Variants in BTBD10 observed in about 807,000 individuals in gnomAD.
BTBD10 encodes BTB domain containing 10.
In BTBD10, 21 loss-of-function variants were observed where a neutral mutation model predicts 53.2. The ratio of observed to expected loss-of-function variants is 0.39; its 90% CI spans 0.28 to 0.57. The LOEUF is 0.57. Among genes scored for constraint, BTBD10 ranks in the 20% least tolerant of loss-of-function variants. BTBD10 has a pLI of 0.53. For synonymous variants in BTBD10, 149 were observed against 192.7 expected (o/e 0.77, Z 1.88); for missense variants, 360 against 594.7 (o/e 0.61, Z 4.10).
intron 7 of BTBD10, among the ~76,000 whole-genome samples, chr11:13,403,561 T>C (rs1219221582): frequency 6.6e-6 from 1 of 152,060 alleles, no homozygotes; most frequent in Non-Finnish European, 1.5e-5. Flanking sequence ...TACACATTTA[T>C]TGGAATGGGA....
intron 5 of BTBD10, among the ~76,000 whole-genome samples, chr11:13,413,900 A>C (rs1251833150): frequency 6.6e-6 from 1 of 152,250 alleles, no homozygotes; most frequent in Admixed American, 6.5e-5. Context: ...AGCAAAGGTA[A>C]GATTTGAATA....
At chr11:13,440,106 T>C (rs1365144903) in intron 2 of BTBD10, 11 of 1,516,050 alleles carry the variant, frequency 7.3e-6, no homozygotes, top group South Asian at 1.2e-5. Context: ...CACCTGTCCA[T>C]AGACTTCCTT....
At chr11:13,404,715 C>T (rs1202768286) in intron 7 of BTBD10, 3 of 502,210 alleles carry the variant, frequency 6.0e-6, no homozygotes, top group African/African-American at 2.1e-5. Context: ...AATCACAACA[C>T]TCATTTAAGT....
rs1950931425 is a variant in BTBD10 at position 13,454,883 on chromosome 11, T to A, written c.-58+8209A>T. On this transcript the variant is annotated intron_variant, in intron 1 of 8. Transcript: ENST00000278174. ...CATGGTATTTCCATTAAAAGTAGGATCTGTTGTTTATTTATTTATTTGTAT... is the reference window on the plus strand; with the variant it reads ...CATGGTATTTCCATTAAAAGTAGGAACTGTTGTTTATTTATTTATTTGTAT... 2.6e-5 allele frequency among the ~76,000 whole-genome samples: 4 copies of A among 151,898 alleles called. No homozygotes were observed. The South Asian group carries it at 8.3e-4, about 32-fold the overall frequency.
At chr11:13,459,058 ATTTT>A (rs199960942) in intron 1 of BTBD10, among the ~76,000 whole-genome samples, 18 of 135,342 alleles carry the variant, frequency 1.3e-4, no homozygotes, top group African/African-American at 4.0e-4. Flanking sequence ...TTATTTATTT[ATTTT>A]TTTTTTTTTT....
chr11:13,441,058 T>C (rs927368164), intron 2 of BTBD10, among the ~76,000 whole-genome samples: 2 of 152,160 alleles, frequency 1.3e-5, no homozygotes, highest in African/African-American at 4.8e-5. Context: ...TATATAACTA[T>C]ACAACTACTC....
chr11:13,406,228 A>T (rs1309084920), intron 6 of BTBD10, among the ~76,000 whole-genome samples: 1 of 152,088 alleles, frequency 6.6e-6, no homozygotes, highest in Admixed American at 6.6e-5. Flanking sequence ...GCAGGTTGAG[A>T]GGTGAGCTGA....
At chr11:13,405,619 G>A (rs749318392) in intron 7 of BTBD10, 40 bp downstream of exon 7, 13 of 1,601,872 alleles carry the variant, frequency 8.1e-6, no homozygotes, top group East Asian at 2.2e-5. Context: ...GAAATAATTC[G>A]TGATGATTCA....
intron 6 of BTBD10, among the ~76,000 whole-genome samples, chr11:13,406,340 TGAAA>T (rs1264442618): frequency 1.3e-5 from 2 of 152,150 alleles, no homozygotes; most frequent in African/African-American, 4.8e-5. Flanking sequence ...GTGAGAGAGC[TGAAA>T]GAGACTTCAA....
At chr11:13,413,187 T>C (rs373905436) in intron 6 of BTBD10, among the ~76,000 whole-genome samples, 4 of 152,312 alleles carry the variant, frequency 2.6e-5, no homozygotes, top group Non-Finnish European at 5.9e-5. Context: ...TTGGATGATG[T>C]AATCAAAGAA....
At chr11:13,440,662 A>G (rs1275794014) in intron 2 of BTBD10, among the ~76,000 whole-genome samples, 1 of 152,198 alleles carries the variant, frequency 6.6e-6, no homozygotes, top group Non-Finnish European at 1.5e-5. Context: ...TTCAGACTTT[A>G]TGCAGTCTCA....
chr11:13,423,932 G>GA (rs1950289273), intron 2 of BTBD10, among the ~76,000 whole-genome samples: 2 of 151,472 alleles, frequency 1.3e-5, no homozygotes, highest in African/African-American at 4.8e-5. Flanking sequence ...TCATTCTAGT[G>GA]AAAAAAAATT....
At chr11:13,394,467 T>C (rs1301150253) in intron 8 of BTBD10, among the ~76,000 whole-genome samples, 1 of 152,240 alleles carries the variant, frequency 6.6e-6, no homozygotes, top group African/African-American at 2.4e-5. Context: ...TCATGCTTCC[T>C]GTTAAGCCTG....
intron 2 of BTBD10, among the ~76,000 whole-genome samples, chr11:13,437,128 C>G (rs1293527195): frequency 6.6e-6 from 1 of 152,208 alleles, no homozygotes; most frequent in Non-Finnish European, 1.5e-5. Context: ...GCAACATACC[C>G]AACTTTTTCA....
chr11:13,454,932 C>T lies in BTBD10; in HGVS notation c.-58+8160G>A, dbSNP rs545262168. 6.2e-4 allele frequency among the ~76,000 whole-genome samples: 95 copies of T among 152,102 alleles called. 1 individual carries two copies. The highest frequency in any genetic ancestry group is 1.6e-3 in the Admixed American group (25 of 15,284). On this transcript the variant is annotated intron_variant, in intron 1 of 8. Transcript: ENST00000278174. ...ATTTAATTATTTATGTATTTAGAGA[C>T]GGAGCTTTGCTCTTGTTACCCAGGC...
chr11:13,414,495 T>C (rs1468223780), intron 5 of BTBD10, among the ~76,000 whole-genome samples: 1 of 151,580 alleles, frequency 6.6e-6, no homozygotes, highest in African/African-American at 2.4e-5. Context: ...CTACTAAGAA[T>C]ACAAAAAAAT....
chr11:13,396,719 A>G (rs1332375420), intron 8 of BTBD10, among the ~76,000 whole-genome samples: 5 of 152,180 alleles, frequency 3.3e-5, no homozygotes, highest in Non-Finnish European at 5.9e-5. Context: ...CGTTCCATCA[A>G]TATCTAATTT....
intron 1 of BTBD10, chr11:13,459,878 G>A (rs558344367): frequency 5.9e-5 from 9 of 152,276 alleles, no homozygotes; most frequent in Non-Finnish European, 1.0e-4. Context: ...CTCAGGGGAT[G>A]GGAAGAAGCG....
At chr11:13,425,560 C>T (rs540607478) in intron 2 of BTBD10, among the ~76,000 whole-genome samples, 1 of 151,974 alleles carries the variant, frequency 6.6e-6, no homozygotes, top group Admixed American at 6.5e-5. Context: ...ATAACCACAG[C>T]CCTCCAAAAA....
Sources: gnomAD v4.1 joint callset for allele counts (sites outside exome capture counted in the v4.1 genomes callset) on GRCh38, gnomAD v4.1.1 for gene constraint, MANE v1.5 for transcripts, NCBI Gene and HGNC (gene_info 2026-07-23, HGNC 2026-07-21) for gene names.